KLF12: variants seen among roughly 807,000 people sequenced by gnomAD.
KLF12 encodes Krueppel-like factor 12.
KLF12 carries 9 observed loss-of-function variants against 37.8 expected under a neutral mutation model. The observed-to-expected ratio is 0.24, with a 90% CI of 0.14 to 0.42. KLF12 has a LOEUF of 0.42. Ranked by LOEUF, KLF12 falls within the 10% of genes least tolerant of loss-of-function variation. The pLI, the probability that KLF12 is intolerant of heterozygous loss-of-function variation, is 1.00. For missense variants in KLF12, 411 were observed against 516.0 expected, an observed-to-expected ratio of 0.80 and a Z score of 1.97; for synonymous variants, 208 against 202.1, an observed-to-expected ratio of 1.03 and a Z score of -0.25.
chr13:74,039,306 A>G (rs1187118931), intron 1 of KLF12, among the ~76,000 whole-genome samples: 1 of 152,144 alleles, frequency 6.6e-6, no homozygotes, highest in African/African-American at 2.4e-5. Flanking sequence ...TGAGAGGCTG[A>G]AGCAGGAGGA....
At chr13:73,906,798 G>A (rs1366733122) in intron 3 of KLF12, among the ~76,000 whole-genome samples, 1 of 152,100 alleles carries the variant, frequency 6.6e-6, no homozygotes, top group Non-Finnish European at 1.5e-5. Flanking sequence ...TCTAGCGAGG[G>A]GATTTCTGTC....
intron 3 of KLF12, among the ~76,000 whole-genome samples, chr13:73,896,907 T>C (rs75692148): frequency 0.011 from 1,742 of 152,284 alleles, 26 homozygotes; most frequent in African/African-American, 0.038. Context: ...TAGTTCTGTG[T>C]TTTATTATCC....
chr13:73,763,281 A>G (rs560240931), intron 6 of KLF12, among the ~76,000 whole-genome samples: 3 of 152,288 alleles, frequency 2.0e-5, no homozygotes, highest in South Asian at 4.1e-4. Flanking sequence ...GTGATATCGT[A>G]TATGTGCCTG....
the KLF12 span, among the ~76,000 whole-genome samples, chr13:74,232,841 C>T: frequency 6.6e-6 from 1 of 152,046 alleles, no homozygotes; most frequent in Admixed American, 6.6e-5. Context: ...GATAGGTATA[C>T]AGTGATCTTT....
At chr13:73,697,741 A>T (rs1165984830) in intron 7 of KLF12, among the ~76,000 whole-genome samples, 1 of 152,148 alleles carries the variant, frequency 6.6e-6, no homozygotes, top group African/African-American at 2.4e-5. Flanking sequence ...CTATGGAACC[A>T]GCTAGAGAGA....
At chr13:74,291,940 T>C in the KLF12 span, among the ~76,000 whole-genome samples, 1 of 152,230 alleles carries the variant, frequency 6.6e-6, no homozygotes, top group African/African-American at 2.4e-5. Context: ...ACAGGTTAGC[T>C]AGATGTTGTA....
rs139255036 is a variant in KLF12 at position 74,089,400 on chromosome 13, A to G, written c.-32+44339T>C. Reference sequence around the variant, plus strand: ...TCATTCCTAGGCCATTTTATCAAATATAAGTGTATATTTAGATAGACCCAT... The same window carrying G: ...TCATTCCTAGGCCATTTTATCAAATGTAAGTGTATATTTAGATAGACCCAT... On this transcript the variant is annotated intron_variant, in intron 1 of 7. Transcript: ENST00000377669. 2.2e-3 allele frequency among the ~76,000 whole-genome samples: 334 copies of G among 152,326 alleles called. 3 individuals carry two copies. The highest frequency in any genetic ancestry group is 6.8e-3 in the Middle Eastern group (2 of 294).
At chr13:73,734,703 A>G (rs375567954) in intron 6 of KLF12, among the ~76,000 whole-genome samples, 82 of 152,310 alleles carry the variant, frequency 5.4e-4, no homozygotes, top group African/African-American at 1.9e-3. Flanking sequence ...AATAATAGCA[A>G]TAATATCATT....
upstream of KLF12, among the ~76,000 whole-genome samples, chr13:74,134,789 G>A (rs1878477324): frequency 6.6e-6 from 1 of 151,976 alleles, no homozygotes; most frequent in East Asian, 2.0e-4. Context: ...AGGCTTAGGA[G>A]AATTCGGGGA....
chr13:73,841,203 C>T (rs932355895), intron 4 of KLF12, among the ~76,000 whole-genome samples: 6 of 152,094 alleles, frequency 3.9e-5, no homozygotes, highest in Admixed American at 6.5e-5. Flanking sequence ...CACTGCATAT[C>T]GGAAGGAAGG....
intron 1 of KLF12, among the ~76,000 whole-genome samples, chr13:74,005,563 A>AT (rs1438090769): frequency 6.6e-6 from 1 of 152,186 alleles, no homozygotes; most frequent in Non-Finnish European, 1.5e-5. Context: ...TGAAGCCAGG[A>AT]TGGAGGATTA....
intron 2 of KLF12, among the ~76,000 whole-genome samples, chr13:73,976,760 C>T (rs866729645): frequency 1.3e-5 from 2 of 152,244 alleles, no homozygotes; most frequent in Middle Eastern, 3.4e-3. Context: ...AGATGCATTA[C>T]AAGGAGGATC....
chr13:74,215,422 G>C, the KLF12 span, among the ~76,000 whole-genome samples: 1 of 133,924 alleles, frequency 7.5e-6, no homozygotes. Flanking sequence ...CATTTCCTCT[G>C]GGTTCTTTTT....
the KLF12 span, among the ~76,000 whole-genome samples, chr13:74,298,208 G>C: frequency 1.3e-5 from 2 of 152,190 alleles, no homozygotes; most frequent in Non-Finnish European, 1.5e-5. Context: ...AGAGTTGGCT[G>C]TCAAAGTAGT....
At chr13:74,257,714 C>T in the KLF12 span, 2 of 152,230 alleles carry the variant, frequency 1.3e-5, no homozygotes, top group African/African-American at 2.4e-5. Context: ...GCACTTTCTA[C>T]ACATCTGATT....
chr13:73,726,307 T>A (rs1321532535), intron 6 of KLF12, among the ~76,000 whole-genome samples: 1 of 152,234 alleles, frequency 6.6e-6, no homozygotes, highest in East Asian at 1.9e-4. Flanking sequence ...TCACACATCA[T>A]GAAGTCATCC....
At chr13:73,793,114 G>A (rs79190304) in intron 5 of KLF12, among the ~76,000 whole-genome samples, 28,274 of 152,094 alleles carry the variant, frequency 0.19, 3,429 homozygotes, top group East Asian at 0.45. Flanking sequence ...TAAAAAGAGC[G>A]ATAACAGGAA....
chr13:74,226,152 G>A, the KLF12 span, among the ~76,000 whole-genome samples: 1 of 152,086 alleles, frequency 6.6e-6, no homozygotes, highest in Non-Finnish European at 1.5e-5. Flanking sequence ...TGGCCTCGAG[G>A]AGACAAATAC....
the KLF12 span, among the ~76,000 whole-genome samples, chr13:74,153,977 C>G: frequency 1.4e-3 from 206 of 151,988 alleles, no homozygotes; most frequent in South Asian, 5.2e-3. Context: ...CCTGTAATCC[C>G]AGCACTTTTG....
Sources: gnomAD v4.1 joint callset for allele counts (sites outside exome capture counted in the v4.1 genomes callset) on GRCh38, gnomAD v4.1.1 for gene constraint, MANE v1.5 for transcripts, NCBI Gene and HGNC (gene_info 2026-07-23, HGNC 2026-07-21) for gene names.